Variants in GRIN2B observed in about 807,000 individuals in gnomAD.
GRIN2B encodes glutamate ionotropic receptor NMDA type subunit 2B, also known as glutamate receptor ionotropic, NMDA 2B.
Under a neutral mutation model 114.5 loss-of-function variants are expected in GRIN2B, and 5 were observed. The ratio of observed to expected loss-of-function variants is 0.04; its 90% CI spans 0.02 to 0.09. The LOEUF is 0.09. Among genes scored for constraint, GRIN2B ranks in the 10% least tolerant of loss-of-function variants. The pLI, the probability that GRIN2B is intolerant of heterozygous loss-of-function variation, is 1.00. For missense variants in GRIN2B, 1,108 were observed against 1,943.5 expected (o/e 0.57, Z 8.08); for synonymous variants, 787 against 745.1 (o/e 1.06, Z -0.92).
intron 3 of GRIN2B, among the ~76,000 whole-genome samples, chr12:13,835,202 TC>T (rs1441385082): frequency 6.6e-6 from 1 of 152,190 alleles, no homozygotes; most frequent in African/African-American, 2.4e-5. Flanking sequence ...CACAGCCTTC[TC>T]TTTTTCTTTT....
chr12:13,694,698 TATATAA>T (rs1390295429), intron 4 of GRIN2B, among the ~76,000 whole-genome samples: 2 of 122,616 alleles, frequency 1.6e-5, no homozygotes, highest in South Asian at 2.7e-4. Context: ...TATATATATA[TATATAA>T]ATTAATTAAT....
At chr12:13,949,540 C>T (rs1867437902) in intron 2 of GRIN2B, among the ~76,000 whole-genome samples, 1 of 152,128 alleles carries the variant, frequency 6.6e-6, no homozygotes, top group East Asian at 1.9e-4. Context: ...AAGCCACCGA[C>T]ATAAGGTGCT....
At chr12:13,911,638 A>C (rs932401847) in intron 2 of GRIN2B, among the ~76,000 whole-genome samples, 2 of 152,082 alleles carry the variant, frequency 1.3e-5, no homozygotes, top group African/African-American at 4.8e-5. Context: ...TTTTCCACGA[A>C]TCATGATCTA....
At chr12:13,800,661 A>G (rs1416027106) in intron 3 of GRIN2B, among the ~76,000 whole-genome samples, 1 of 152,198 alleles carries the variant, frequency 6.6e-6, no homozygotes, top group African/African-American at 2.4e-5. Flanking sequence ...CTTGTTCAGC[A>G]TACTGTTACA....
intron 4 of GRIN2B, among the ~76,000 whole-genome samples, chr12:13,700,596 G>A (rs1046124303): frequency 6.6e-5 from 10 of 152,142 alleles, no homozygotes; most frequent in South Asian, 4.1e-4. Context: ...GGCCCACATG[G>A]AAGAGAATTG....
chr12:13,783,012 A>C (rs1021710970), intron 3 of GRIN2B, among the ~76,000 whole-genome samples: 3 of 152,074 alleles, frequency 2.0e-5, no homozygotes, highest in African/African-American at 4.8e-5. Flanking sequence ...CCTTCCCCCC[A>C]AAAAACCTAG....
Position 13,547,951 on chromosome 12 carries a change from A to ATGTATG in GRIN2B, c.*14831_*14832insCATACA, listed in dbSNP as rs1555098036. The ATGTATG allele has an allele frequency of 3.0e-5, 3 of 99,016 alleles. No individual in the cohort carries two copies. Among genetic ancestry groups the ATGTATG allele is most frequent in the Admixed American group, 1.2e-4 (1 of 8,562 alleles). The allele number at this position is 99,016 out of a possible 1,614,324, so 6.1% of individuals were successfully genotyped here. A position where few individuals can be genotyped will look rare whatever the true frequency, so the allele number is the denominator to read the frequency against. On this transcript the variant is annotated 3_prime_UTR_variant, in exon 14 of 14. Coordinates refer to ENST00000609686, the MANE Select transcript of GRIN2B (RefSeq NM_000834.5). ...GTTATGTATATGTATGTATGTATGT[A>ATGTATG]TGTGTGTGTATATATATATATATAT...
chr12:13,977,099 C>G (rs1418664735), intron 2 of GRIN2B, among the ~76,000 whole-genome samples: 1 of 152,216 alleles, frequency 6.6e-6, no homozygotes, highest in Non-Finnish European at 1.5e-5. Context: ...TCTTCTCAAT[C>G]AGCCTTAAAG....
intron 3 of GRIN2B, among the ~76,000 whole-genome samples, chr12:13,856,011 C>G (rs1865654773): frequency 6.6e-6 from 1 of 152,148 alleles, no homozygotes; most frequent in African/African-American, 2.4e-5. Flanking sequence ...GATGTGTTAA[C>G]AAGACAGGTT....
chr12:13,808,748 A>ATATATATATATATATATATATATATATAT (rs1388525573), intron 3 of GRIN2B, among the ~76,000 whole-genome samples: 2 of 110,300 alleles, frequency 1.8e-5, no homozygotes, highest in African/African-American at 2.9e-5. Flanking sequence ...TATAATAAAA[A>ATATATATATATATATATATATATATATAT]AAAAATATAT....
intron 4 of GRIN2B, among the ~76,000 whole-genome samples, chr12:13,696,491 T>G (rs761931229): frequency 1.3e-5 from 2 of 152,178 alleles, no homozygotes; most frequent in Non-Finnish European, 2.9e-5. Flanking sequence ...GAGATGTCAG[T>G]GCATATCATT....
chr12:13,822,175 G>A (rs961229671), intron 3 of GRIN2B, among the ~76,000 whole-genome samples: 2 of 152,122 alleles, frequency 1.3e-5, no homozygotes, highest in Non-Finnish European at 2.9e-5. Context: ...TGCAAAAAGA[G>A]GAGACAATAC....
At chr12:13,694,656 C>CACACAT (rs1555122534) in intron 4 of GRIN2B, among the ~76,000 whole-genome samples, 1 of 71,404 alleles carries the variant, frequency 1.4e-5, no homozygotes, top group African/African-American at 7.3e-5. Context: ...AAGAAAATGT[C>CACACAT]ATATATATAT....
intron 2 of GRIN2B, among the ~76,000 whole-genome samples, chr12:13,888,286 T>C (rs953193202): frequency 1.3e-5 from 2 of 152,210 alleles, no homozygotes; most frequent in African/African-American, 4.8e-5. Context: ...ACCTAGGCTC[T>C]GTGGTATAGT....
intron 10 of GRIN2B, among the ~76,000 whole-genome samples, chr12:13,596,507 C>G (rs1949075481): frequency 6.6e-6 from 1 of 152,198 alleles, no homozygotes; most frequent in African/African-American, 2.4e-5. Context: ...AGTAGGGTGT[C>G]CTTCCCTCCA....
intron 5 of GRIN2B, among the ~76,000 whole-genome samples, chr12:13,661,228 T>C (rs1949919627): frequency 6.6e-6 from 1 of 152,192 alleles, no homozygotes. Flanking sequence ...TTCCGGGTGT[T>C]CCTTCAGTTA....
At chr12:13,766,217 C>A (rs958101877) in intron 3 of GRIN2B, among the ~76,000 whole-genome samples, 1 of 152,150 alleles carries the variant, frequency 6.6e-6, no homozygotes, top group Admixed American at 6.5e-5. Context: ...CATCATCAAC[C>A]TCAGGCAAGC....
chr12:13,804,188 T>C (rs1390039902), intron 3 of GRIN2B, among the ~76,000 whole-genome samples: 1 of 151,874 alleles, frequency 6.6e-6, no homozygotes, highest in Non-Finnish European at 1.5e-5. Context: ...GATATTATTT[T>C]TAGATAAGAA....
chr12:13,599,183 G>C (rs936027853), intron 10 of GRIN2B, among the ~76,000 whole-genome samples: 1 of 152,156 alleles, frequency 6.6e-6, no homozygotes, highest in Admixed American at 6.5e-5. Flanking sequence ...ATGGCTCTCT[G>C]TGACCCATGC....
Sources: allele counts gnomAD v4.1 joint callset (sites outside exome capture counted in the v4.1 genomes callset), GRCh38; gene constraint gnomAD v4.1.1; transcripts MANE v1.5; gene names NCBI Gene and HGNC (gene_info 2026-07-23, HGNC 2026-07-21).